MACF1: variants seen among roughly 807,000 people sequenced by gnomAD.
The protein encoded by MACF1 is microtubule actin crosslinking factor 1.
Under a neutral mutation model 854.8 loss-of-function variants are expected in MACF1, and 193 were observed. That is an observed-to-expected ratio of 0.23 (90% CI 0.20 to 0.25). MACF1 has a LOEUF of 0.25. Among genes scored for constraint, MACF1 ranks in the 10% least tolerant of loss-of-function variants. MACF1 has a pLI of 1.00. For missense variants in MACF1, 7,722 were observed against 8,929.1 expected, an observed-to-expected ratio of 0.86 and a Z score of 5.45; for synonymous variants, 3,185 against 3,226.7, an observed-to-expected ratio of 0.99 and a Z score of 0.44.
At chr1:39,327,033 C>T (rs1000336927) in intron 35 of MACF1, among the ~76,000 whole-genome samples, 185 bp from the exon 36 acceptor site, 2 of 152,110 alleles carry the variant, frequency 1.3e-5, no homozygotes, top group African/African-American at 4.8e-5. Context: ...ATAGCATTGA[C>T]ATCATCAAGA....
intron 2 of MACF1, among the ~76,000 whole-genome samples, chr1:39,150,114 C>T (rs549504199): frequency 2.6e-5 from 4 of 152,068 alleles, no homozygotes; most frequent in African/African-American, 7.2e-5. Context: ...ACCTCCTGCA[C>T]TCAAGCAATC....
intron 2 of MACF1, among the ~76,000 whole-genome samples, chr1:39,099,649 A>G (rs1642017711): frequency 6.6e-6 from 1 of 152,192 alleles, no homozygotes; most frequent in Non-Finnish European, 1.5e-5. Flanking sequence ...GTGGACATTG[A>G]GTTGGATTCT....
At chr1:39,269,765 C>A (rs151096362) in intron 6 of MACF1, 2 of 1,248,478 alleles carry the variant, frequency 1.6e-6, no homozygotes, top group African/African-American at 1.5e-5. Context: ...TGTTTGGATT[C>A]TTGGCCCTCA....
At position 39,335,081 on chromosome 1, in the gene MACF1, T is replaced by C; in HGVS notation, c.8493T>C (p.Ser2831=). ...AAGAAAAGGTTAAAGTGAGAGTTTCTGATGGGGAGCAGGCAAAAAAGAGCA... is the reference window on the plus strand; with the variant it reads ...AAGAAAAGGTTAAAGTGAGAGTTTCCGATGGGGAGCAGGCAAAAAAGAGCA... ...SAQEKVKVRV[S]DGEQAKKSRE... is the part of the protein sequence containing the mutation. The change falls in exon 37 of 101, where the codon TCT becomes TCC. Residue 2831 remains serine, a synonymous_variant. Transcript: ENST00000564288. 1 of 1,614,120 alleles carries C rather than the reference T, an allele frequency of 6.2e-7. No individual in the cohort carries two copies. The highest frequency in any genetic ancestry group is 8.5e-7 in the Non-Finnish European group (1 of 1,180,020).
chr1:39,338,211 T>C (rs1365197141), intron 38 of MACF1, among the ~76,000 whole-genome samples: 2 of 151,972 alleles, frequency 1.3e-5, no homozygotes, highest in African/African-American at 4.8e-5. Context: ...TTAATCTCTC[T>C]TACTTCCTAA....
intron 2 of MACF1, among the ~76,000 whole-genome samples, chr1:39,130,905 G>A (rs1356144714): frequency 6.7e-6 from 1 of 149,302 alleles, no homozygotes; most frequent in East Asian, 2.0e-4. Context: ...GCAATGGTGT[G>A]ATCTCGGCTC....
intron 56 of MACF1, among the ~76,000 whole-genome samples, chr1:39,382,733 CATTACTTA>C (rs113253397): frequency 0.055 from 8,403 of 151,774 alleles, 294 homozygotes; most frequent in African/African-American, 0.097. Context: ...TAGTGATCCA[CATTACTTA>C]ATATCTTATA....
chr1:39,251,547 A>G (rs1232515264), intron 3 of MACF1, among the ~76,000 whole-genome samples: 2 of 152,208 alleles, frequency 1.3e-5, no homozygotes, highest in Non-Finnish European at 2.9e-5. Context: ...CTCTTCACCA[A>G]AAACCATCCA....
Position 39,434,537 on chromosome 1 carries a change from A to G in MACF1, c.17689A>G (p.Ser5897Gly), listed in dbSNP as rs1451044457. ...GTTTTGGGAAACTTATGAAGAGCTC[A>G]GCCCCTGGATTGAGGAAACTCGGGC... ...NQFWETYEEL[S>G]PWIEETRALI... is the part of the protein sequence containing the mutation. The change falls in exon 69 of 101, where the codon AGC (serine) becomes GGC (glycine). Residue 5897 changes from serine (S) to glycine (G), a missense_variant. Physicochemically the swap from Ser to Gly is moderately conservative, Grantham distance 56. Transcript: ENST00000564288. The G allele has an allele frequency of 1.2e-6, 2 of 1,614,198 alleles. No individual in the cohort carries two copies. Among genetic ancestry groups the G allele is most frequent in the Middle Eastern group, 1.6e-4 (1 of 6,062 alleles).
intron 82 of MACF1, 60 bp from the exon 83 acceptor site, chr1:39,447,973 C>T: frequency 6.2e-7 from 1 of 1,611,246 alleles, no homozygotes; most frequent in Admixed American, 1.7e-5. Context: ...GGATGATTCT[C>T]AAACGTGCTG....
intron 55 of MACF1, among the ~76,000 whole-genome samples, chr1:39,380,822 C>T (rs761159564): frequency 4.6e-5 from 7 of 151,936 alleles, no homozygotes; most frequent in Non-Finnish European, 7.4e-5. Flanking sequence ...TGAGGCGAGA[C>T]GATTGCTTGA....
intron 2 of MACF1, among the ~76,000 whole-genome samples, chr1:39,237,661 A>G (rs1360856937): frequency 6.6e-6 from 1 of 152,084 alleles, no homozygotes; most frequent in African/African-American, 2.4e-5. Flanking sequence ...TCAATCAATC[A>G]TGAATCTTCT....
chr1:39,160,451 A>G (rs995498724), intron 2 of MACF1, among the ~76,000 whole-genome samples: 2 of 152,210 alleles, frequency 1.3e-5, no homozygotes, highest in African/African-American at 4.8e-5. Flanking sequence ...TTCTCTCCAC[A>G]CTACTACTCA....
At chr1:39,462,065 C>T (rs199901119) in intron 93 of MACF1, 28 bp downstream of exon 93, 72 of 1,609,686 alleles carry the variant, frequency 4.5e-5, no homozygotes, top group Non-Finnish European at 5.7e-5. Context: ...ATTTTGAGTA[C>T]ACTTCTGGCT....
At chr1:39,098,775 G>A (rs1641995694) in intron 2 of MACF1, among the ~76,000 whole-genome samples, 1 of 152,104 alleles carries the variant, frequency 6.6e-6, no homozygotes, top group South Asian at 2.1e-4. Context: ...TGTCTTCCTG[G>A]GTGGCTGGCA....
At chr1:39,232,745 T>TG in intron 2 of MACF1, among the ~76,000 whole-genome samples, 1 of 33,594 alleles carries the variant, frequency 3.0e-5, no homozygotes, top group South Asian at 2.3e-3. Flanking sequence ...ATACTCTCTT[T>TG]GTTTTTTTTT....
intron 66 of MACF1, among the ~76,000 whole-genome samples, chr1:39,431,676 A>G (rs1182751935): frequency 4.6e-5 from 7 of 152,192 alleles, no homozygotes; most frequent in Non-Finnish European, 1.0e-4. Context: ...AAGAGATAAA[A>G]GACTGGAGAG....
Position 39,444,804 on chromosome 1 carries a change from A to G in MACF1, c.19574A>G (p.His6525Arg), listed in dbSNP as rs559833988. The part of the protein sequence containing the change: ...QSVALLEQKW[H>R]VVSSKMEERK... ...GTAGCACTTTTGGAGCAGAAGTGGCATGTGGTCAGCAGTAAGATGGAAGAA... is the reference window on the plus strand; with the variant it reads ...GTAGCACTTTTGGAGCAGAAGTGGCGTGTGGTCAGCAGTAAGATGGAAGAA... The change falls in exon 80 of 101, where the codon CAT (histidine) becomes CGT (arginine). Residue 6525 changes from histidine (H) to arginine (R), a missense_variant. His to Arg is a conservative substitution (Grantham distance 29, BLOSUM62 0). Around this residue, in one of 15 missense-constraint regions of MACF1, gnomAD observed 729 missense variants for 900.5 expected, o/e 0.81. Coordinates refer to ENST00000564288, the MANE Select transcript of MACF1 (RefSeq NM_001394062.1). 8.1e-6 allele frequency: 13 copies of G among 1,613,110 alleles called. No individual in the cohort carries two copies. The highest frequency in any genetic ancestry group is 5.5e-5 in the South Asian group (5 of 91,018).
intron 58 of MACF1, among the ~76,000 whole-genome samples, chr1:39,415,842 CAA>C (rs769307547): frequency 1.4e-4 from 22 of 152,188 alleles, no homozygotes; most frequent in Non-Finnish European, 2.6e-4. Flanking sequence ...AATCTGAACA[CAA>C]GAGATGACTG....
Sources: allele counts gnomAD v4.1 joint callset (sites outside exome capture counted in the v4.1 genomes callset), GRCh38; gene constraint gnomAD v4.1.1; regional missense constraint gnomAD v4.1.1; transcripts MANE v1.5; gene names NCBI Gene and HGNC (gene_info 2026-07-23, HGNC 2026-07-21).